EPB42: variants seen among roughly 807,000 people sequenced by gnomAD.
EPB42 encodes protein 4.2.
In EPB42, 49 loss-of-function variants were observed where a neutral mutation model predicts 76.9. That is an observed-to-expected ratio of 0.64 (90% CI 0.51 to 0.81). The LOEUF (loss-of-function observed/expected upper bound fraction) is 0.81. Among genes scored for constraint, EPB42 ranks in the 30% least tolerant of loss-of-function variants. The pLI is 0.00. For missense variants in EPB42, 731 were observed against 867.6 expected, an observed-to-expected ratio of 0.84 and a Z score of 1.98; for synonymous variants, 310 against 338.4, an observed-to-expected ratio of 0.92 and a Z score of 0.92.
At chr15:43,223,351 G>A (rs1758007553), upstream of EPB42, among the ~76,000 whole-genome samples, 1 of 151,920 alleles carries the variant, frequency 6.6e-6, no homozygotes, top group African/African-American at 2.4e-5. Context: ...GCAACAAGTT[G>A]GGTAAAATAT....
chr15:43,217,136 G>A (rs547722043), intron 1 of EPB42, among the ~76,000 whole-genome samples: 1 of 152,342 alleles, frequency 6.6e-6, no homozygotes, highest in Admixed American at 6.5e-5. Context: ...AGGTCGAATT[G>A]TAATCCCCAG....
At chr15:43,204,348 G>T (rs558749784) in intron 10 of EPB42, among the ~76,000 whole-genome samples, 17 of 151,852 alleles carry the variant, frequency 1.1e-4, no homozygotes, top group Non-Finnish European at 2.5e-4. Flanking sequence ...CTGCTGCTGG[G>T]TTCCCTCCTC....
In EPB42 at chr15:43,210,455, C is replaced by A; in HGVS notation, c.550-16G>T. Reference sequence around the variant, plus strand: ...CCCCCTCGAACTGTTAAGGATCACACAGGGCCATGATGAAGGGTCCCCACA... The same window carrying A: ...CCCCCTCGAACTGTTAAGGATCACAAAGGGCCATGATGAAGGGTCCCCACA... On this transcript the variant is annotated splice_polypyrimidine_tract_variant and intron_variant, in intron 4 of 12. Coordinates refer to ENST00000441366, the MANE Select transcript of EPB42 (RefSeq NM_001114134.2). 1 of 1,611,516 alleles carries A rather than the reference C, an allele frequency of 6.2e-7. No homozygotes were observed.
chr15:43,204,480 C>T lies in EPB42; in HGVS notation c.1619-1205G>A, dbSNP rs2042171322. ...AGCTCCAGCCCAGAACTTTATCTTA[C>T]CAAGGTCTCCTGCCACCTGCTGGCC... On this transcript the variant is annotated intron_variant, in intron 10 of 12. Transcript: ENST00000441366. Among the ~76,000 whole-genome samples, 5 of 152,266 alleles carry T rather than the reference C, an allele frequency of 3.3e-5. No homozygotes were observed. The South Asian group carries it at 1.0e-3, about 32-fold the overall frequency.
intron 3 of EPB42, among the ~76,000 whole-genome samples, chr15:43,213,203 A>T (rs942813698): frequency 6.6e-6 from 1 of 152,162 alleles, no homozygotes; most frequent in African/African-American, 2.4e-5. Context: ...GAAGTAGCTT[A>T]TGAGAGCATG....
chr15:43,216,829 C>T lies in EPB42; in HGVS notation c.11-376G>A, dbSNP rs116880617. ...AATGAATAAAACCCAAAATCTTTCT[C>T]GCACCTACTCATTTTTTCTTAGAGC... is the stretch of plus-strand genomic sequence containing the variant. On this transcript the variant is annotated intron_variant, in intron 1 of 12. Coordinates refer to ENST00000441366, the MANE Select transcript of EPB42 (RefSeq NM_001114134.2). Among the ~76,000 whole-genome samples, 563 of 152,258 alleles carry T rather than the reference C, an allele frequency of 3.7e-3. 6 individuals carry two copies. The highest frequency in any genetic ancestry group is 4.6e-3 in the Non-Finnish European group (314 of 68,026).
chr15:43,220,656 C>A (rs1007771563), intron 1 of EPB42, 160 bp downstream of exon 1: 58 of 1,038,044 alleles, frequency 5.6e-5, no homozygotes, highest in South Asian at 3.9e-4. Context: ...CACACCCCCC[C>A]CCCACAGCCA....
At chr15:43,203,446 T>C (rs2042157435) in intron 10 of EPB42, among the ~76,000 whole-genome samples, 171 bp from the exon 11 acceptor site, 1 of 152,104 alleles carries the variant, frequency 6.6e-6, no homozygotes. Context: ...CTCCTCACCC[T>C]CATCCCCATC....
rs57890330 is a variant in EPB42 at position 43,216,009 on chromosome 15, C to T, written c.196+259G>A. On this transcript the variant is annotated intron_variant, in intron 2 of 12. Coordinates refer to ENST00000441366, the MANE Select transcript of EPB42 (RefSeq NM_001114134.2). ...ACCCGGCCCCATCCAGAATTTTCTA[C>T]AAAGCTACTATTATATTTGCAACTG... Among the ~76,000 whole-genome samples, 512 of 152,336 alleles carry T rather than the reference C, an allele frequency of 3.4e-3. 17 individuals are homozygous for T. The East Asian group carries it at 0.079, about 24-fold the overall frequency.
chr15:43,211,509 C>G lies in EPB42; in HGVS notation c.456G>C (p.Glu152Asp). 6.2e-7 allele frequency: 1 copy of G among 1,613,990 alleles called. No individual in the cohort carries two copies. Among genetic ancestry groups the G allele is most frequent in the African/African-American group, 1.3e-5 (1 of 75,048 alleles). The change falls in exon 4 of 13, where the codon GAG (glutamate) becomes GAC (aspartate). Residue 152 changes from glutamate (E) to aspartate (D), a missense_variant. Coordinates refer to ENST00000441366, the MANE Select transcript of EPB42 (RefSeq NM_001114134.2). ...TCAACAAGTACTCCATGCGCTGAGC[C>G]TCATTCTTCAGGAACACAGCATCCT... is the stretch of plus-strand genomic sequence containing the variant. ...NREDAVFLKN[E>D]AQRMEYLLNQ...
upstream of EPB42, among the ~76,000 whole-genome samples, chr15:43,221,947 A>T (rs1596426038): frequency 2.0e-5 from 3 of 152,036 alleles, no homozygotes. Context: ...GTTCGAGACC[A>T]GCCTGGCCAA....
At chr15:43,225,316 G>A (rs908254221), upstream of EPB42, among the ~76,000 whole-genome samples, 1 of 152,170 alleles carries the variant, frequency 6.6e-6, no homozygotes, top group Non-Finnish European at 1.5e-5. Flanking sequence ...TATTTTTAAA[G>A]TAACAAAAAC....
At chr15:43,198,270 G>A (rs142537967) in intron 12 of EPB42, among the ~76,000 whole-genome samples, 1 of 152,330 alleles carries the variant, frequency 6.6e-6, no homozygotes, top group African/African-American at 2.4e-5. Context: ...GAACTTCCTA[G>A]AGACTTGTCG....
At position 43,208,714 on chromosome 15, in the gene EPB42, G is replaced by A. The variant is rs35719500; in HGVS notation, c.894C>T (p.Thr298=). 3.1e-3 allele frequency: 5,038 copies of A among 1,614,182 alleles called. 12 individuals carry two copies. The highest frequency in any genetic ancestry group is 4.0e-3 in the Non-Finnish European group (4,709 of 1,180,028). Residue 298 remains threonine (T), a synonymous_variant, in exon 7 of 13, where the codon ACC becomes ACT. Coordinates refer to ENST00000441366, the MANE Select transcript of EPB42 (RefSeq NM_001114134.2). ...ATTCATCTATGAGAAGACGCCCACC[G>A]GTGCCCTGTGCTGAGGCAAACGTGG... ...VVTTFASAQG[T]GGRLLIDEYY...
chr15:43,203,200 G>A lies in EPB42; in HGVS notation c.1694C>T (p.Thr565Ile). 1.2e-6 allele frequency: 2 copies of A among 1,614,120 alleles called. No individual in the cohort carries two copies. The highest frequency in any genetic ancestry group is 1.7e-6 in the Non-Finnish European group (2 of 1,180,018). Reference protein sequence around the residue: ...NPPENTFLRLTAMATHSESNL... With the variant: ...NPPENTFLRLIAMATHSESNL... ...GGATTCAGAGTGTGTTGCCATGGCG[G>A]TGAGTCTAAGGAAGGTGTTCTCGGG... The change falls in exon 11 of 13, where the codon ACC (threonine) becomes ATC (isoleucine). Residue 565 changes from threonine (T) to isoleucine (I), a missense_variant. Physicochemically the swap from Thr to Ile is moderately conservative, Grantham distance 89. Transcript: ENST00000441366.
At chr15:43,204,861 TACATCAGACTCTGGCGATGAAGCCCAG>T (rs1331865733) in intron 10 of EPB42, among the ~76,000 whole-genome samples, 1 of 151,892 alleles carries the variant, frequency 6.6e-6, no homozygotes, top group Non-Finnish European at 1.5e-5. Flanking sequence ...CCAAATCAGT[TACATCAGACTCTGGCGATGAAGCCCAG>T]ACATCAGTAT....
chr15:43,205,502 C>A (rs906261327), intron 10 of EPB42, among the ~76,000 whole-genome samples: 1 of 152,116 alleles, frequency 6.6e-6, no homozygotes, highest in Non-Finnish European at 1.5e-5. Flanking sequence ...TGGGTTCAAG[C>A]GATTCTCCTG....
At chr15:43,210,970 G>T (rs1042220633) in intron 4 of EPB42, among the ~76,000 whole-genome samples, 1 of 152,164 alleles carries the variant, frequency 6.6e-6, no homozygotes, top group Admixed American at 6.5e-5. Context: ...GGGGATTGGG[G>T]AAGGCTTCGA....
intron 3 of EPB42, among the ~76,000 whole-genome samples, chr15:43,213,390 C>T (rs3177296): frequency 0.066 from 9,983 of 152,194 alleles, 1,090 homozygotes; most frequent in African/African-American, 0.22. Context: ...AATCTGAAAA[C>T]TTCTCAGTCA....
Sources: allele counts gnomAD v4.1 joint callset (sites outside exome capture counted in the v4.1 genomes callset), GRCh38; gene constraint gnomAD v4.1.1; transcripts MANE v1.5; gene names NCBI Gene and HGNC (gene_info 2026-07-23, HGNC 2026-07-21).